The following LRCH1 variants were observed in gnomAD, a reference collection of about 807,000 sequenced individuals.
LRCH1 encodes the protein leucine rich repeats and calponin homology domain containing 1.
In LRCH1, 23 loss-of-function variants were observed where a neutral mutation model predicts 94.9. The ratio of observed to expected loss-of-function variants is 0.24; its 90% CI spans 0.17 to 0.34. LRCH1 has a LOEUF of 0.34. Ranked by LOEUF, LRCH1 falls within the 10% of genes least tolerant of loss-of-function variation. The probability of loss-of-function intolerance (pLI) is 1.00; values close to 1 mark genes in which losing one functional copy is unlikely to be tolerated. For synonymous variants in LRCH1, 364 were observed against 354.9 expected, an observed-to-expected ratio of 1.03 and a Z score of -0.29; for missense variants, 790 against 945.9, an observed-to-expected ratio of 0.84 and a Z score of 2.16.
In LRCH1 at chr13:46,742,588, C is replaced by T. The variant is rs1873723453; in HGVS notation, c.*740C>T. On this transcript the variant is annotated 3_prime_UTR_variant, in exon 20 of 20. Coordinates refer to ENST00000389797, the MANE Select transcript of LRCH1 (RefSeq NM_001164211.2). ...CTCACGTGGAGGAGTCACTTAAACA[C>T]CAGTTTTTTACTGCTTAATTCCTTG... 6.1e-6 allele frequency: 6 copies of T among 985,446 alleles called. No individual in the cohort carries two copies. Among genetic ancestry groups the T allele is most frequent in the African/African-American group, 1.7e-5 (1 of 57,370 alleles). The allele number at this position is 985,446 out of a possible 1,614,324, so 61.0% of individuals were successfully genotyped here.
At chr13:46,654,950 G>A (rs959275052) in intron 2 of LRCH1, among the ~76,000 whole-genome samples, 14 of 152,154 alleles carry the variant, frequency 9.2e-5, no homozygotes, top group African/African-American at 3.1e-4. Context: ...ACTGTATTTA[G>A]ATTTTTTTCT....
chr13:46,573,871 T>A lies in LRCH1; in HGVS notation c.307+20168T>A, dbSNP rs868213965. Among the ~76,000 whole-genome samples, 987 of 127,104 alleles carry A rather than the reference T, an allele frequency of 7.8e-3. 14 individuals carry two copies. The highest frequency in any genetic ancestry group is 0.026 in the African/African-American group (934 of 35,460). The allele number at this position is 127,104 out of a possible 152,430, so 83.4% of individuals were successfully genotyped here. ...ATATATATATATATATATATATTTT[T>A]TTTTTTTTTGAGATGGAGTCTTACT... On this transcript the variant is annotated intron_variant, in intron 1 of 19. Coordinates refer to ENST00000389797, the MANE Select transcript of LRCH1 (RefSeq NM_001164211.2).
intron 1 of LRCH1, among the ~76,000 whole-genome samples, chr13:46,588,931 A>T (rs1435113394): frequency 6.6e-6 from 1 of 151,918 alleles, no homozygotes; most frequent in Non-Finnish European, 1.5e-5. Flanking sequence ...TTGTGTGTGT[A>T]TATGTGTATG....
chr13:46,662,799 A>G (rs1009374778), intron 2 of LRCH1, among the ~76,000 whole-genome samples: 4 of 152,226 alleles, frequency 2.6e-5, no homozygotes, highest in Non-Finnish European at 4.4e-5. Context: ...CAAGAGGTCA[A>G]ATATGGTGCA....
At chr13:46,594,758 A>G (rs1284113827) in intron 1 of LRCH1, among the ~76,000 whole-genome samples, 1 of 152,236 alleles carries the variant, frequency 6.6e-6, no homozygotes, top group East Asian at 1.9e-4. Context: ...AAAATACAAA[A>G]AAGAAAGTCA....
At chr13:46,733,865 A>G (rs1873234534) in intron 18 of LRCH1, 56 bp from the exon 19 acceptor site, 4 of 1,081,274 alleles carry the variant, frequency 3.7e-6, no homozygotes, top group Non-Finnish European at 2.7e-6. Context: ...TTAACATGTT[A>G]TTAAAATGGT....
intron 1 of LRCH1, among the ~76,000 whole-genome samples, chr13:46,617,493 A>C (rs969082047): frequency 1.3e-5 from 2 of 152,208 alleles, no homozygotes; most frequent in Non-Finnish European, 2.9e-5. Context: ...TGTGAGCTGC[A>C]CATTCCTATT....
intron 18 of LRCH1, among the ~76,000 whole-genome samples, chr13:46,732,249 C>A (rs778860936): frequency 1.3e-5 from 2 of 152,172 alleles, no homozygotes; most frequent in African/African-American, 2.4e-5. Flanking sequence ...TAGTAGTGAA[C>A]AAAATCACTA....
At chr13:46,676,201 C>T (rs2051670919) in intron 3 of LRCH1, among the ~76,000 whole-genome samples, 3 of 151,290 alleles carry the variant, frequency 2.0e-5, no homozygotes, top group Middle Eastern at 3.2e-3. Context: ...GTGGAGGTTG[C>T]AGCAAGCCGA....
At chr13:46,751,663 C>T (rs1874146805) in exon 19 of LRCH1, 1 of 152,208 alleles carries the variant, frequency 6.6e-6, no homozygotes, top group South Asian at 2.1e-4. Context: ...TTGAAGTATA[C>T]TTTTGCACTG....
At chr13:46,655,734 A>G (rs1037317200) in intron 2 of LRCH1, among the ~76,000 whole-genome samples, 2 of 152,232 alleles carry the variant, frequency 1.3e-5, no homozygotes, top group Non-Finnish European at 2.9e-5. Context: ...ACTCTTGGCA[A>G]TAGTAGGAGT....
rs2138253982 is a variant in LRCH1, at chr13:46,743,042, GTCTTTGT to G, written c.*1195_*1201del. On this transcript the variant is annotated 3_prime_UTR_variant, in exon 20 of 20. Coordinates refer to ENST00000389797, the MANE Select transcript of LRCH1 (RefSeq NM_001164211.2). ...CCAGAATGTCCCTGGATTCAGGGGT[GTCTTTGT>G]ATAATATGAGAGGGCCTTGTTCCAA... The G allele has an allele frequency of 1.0e-6, 1 of 985,398 alleles. No individual in the cohort carries two copies. Among genetic ancestry groups the G allele is most frequent in the East Asian group, 1.1e-4 (1 of 8,822 alleles). 61.0% of individuals were successfully genotyped at this position (985,398 alleles called of 1,614,324 possible).
At chr13:46,710,132 A>AT (rs913502382) in intron 13 of LRCH1, among the ~76,000 whole-genome samples, 20 of 151,910 alleles carry the variant, frequency 1.3e-4, no homozygotes, top group African/African-American at 2.9e-4. Context: ...ACTTTAGTGA[A>AT]TTTTTTTTTA....
chr13:46,652,165 C>A (rs2051313724), intron 2 of LRCH1, among the ~76,000 whole-genome samples: 2 of 151,914 alleles, frequency 1.3e-5, no homozygotes, highest in African/African-American at 4.8e-5. Context: ...CAAGCTCCGC[C>A]TCCCGGGTTC....
intron 4 of LRCH1, among the ~76,000 whole-genome samples, chr13:46,683,714 T>C (rs1307177048): frequency 6.6e-6 from 1 of 152,222 alleles, no homozygotes; most frequent in Non-Finnish European, 1.5e-5. Flanking sequence ...TCTAGATTTT[T>C]GTCTCTCTCT....
At chr13:46,665,046 T>C (rs2051497179) in intron 2 of LRCH1, among the ~76,000 whole-genome samples, 1 of 152,200 alleles carries the variant, frequency 6.6e-6, no homozygotes, top group Non-Finnish European at 1.5e-5. Context: ...AAATTTGTTA[T>C]ATAAATTTTT....
chr13:46,606,436 T>C (rs1594280780), intron 1 of LRCH1, among the ~76,000 whole-genome samples: 2 of 152,330 alleles, frequency 1.3e-5, no homozygotes, highest in East Asian at 3.9e-4. Flanking sequence ...TTGTCACTTT[T>C]TGCTACTTTC....
chr13:46,703,420 AT>A (rs1356719953), intron 11 of LRCH1, among the ~76,000 whole-genome samples: 1 of 152,206 alleles, frequency 6.6e-6, no homozygotes, highest in Non-Finnish European at 1.5e-5. Flanking sequence ...ATTTGAAATA[AT>A]ACATAAACTG....
rs185189162 is a variant in LRCH1 at position 46,673,560 on chromosome 13, G to A, written c.579+4404G>A. 9.9e-5 allele frequency among the ~76,000 whole-genome samples: 15 copies of A among 152,264 alleles called. No homozygotes were observed. The East Asian group carries it at 2.1e-3, about 22-fold the overall frequency. ...TCTAGAATTGCCGTGGGAGGCTTCTGTTTTGTAGTCACGAAGTAACCAACT... is the reference window on the plus strand; with the variant it reads ...TCTAGAATTGCCGTGGGAGGCTTCTATTTTGTAGTCACGAAGTAACCAACT... On this transcript the variant is annotated intron_variant, in intron 3 of 19. Coordinates refer to ENST00000389797, the MANE Select transcript of LRCH1 (RefSeq NM_001164211.2).
Sources: allele counts gnomAD v4.1 joint callset (sites outside exome capture counted in the v4.1 genomes callset), GRCh38; gene constraint gnomAD v4.1.1; transcripts MANE v1.5; gene names NCBI Gene and HGNC (gene_info 2026-07-23, HGNC 2026-07-21).